Variants in PTPDC1 observed in about 807,000 individuals in gnomAD.
PTPDC1 encodes protein tyrosine phosphatase domain containing 1.
In PTPDC1, 53 loss-of-function variants were observed where a neutral mutation model predicts 75.3. The observed-to-expected ratio is 0.70, with a 90% confidence interval of 0.56 to 0.88. The LOEUF (loss-of-function observed/expected upper bound fraction) is 0.88, where lower values mean the gene tolerates loss of function less well. Ranked by LOEUF, PTPDC1 falls within the 40% of genes least tolerant of loss-of-function variation. PTPDC1 has a pLI of 0.00. For synonymous variants in PTPDC1, 349 were observed against 366.2 expected, an observed-to-expected ratio of 0.95 and a Z score of 0.54; for missense variants, 925 against 998.6, an observed-to-expected ratio of 0.93 and a Z score of 0.99.
At chr9:94,060,910 T>A (rs1205285359) in intron 1 of PTPDC1, among the ~76,000 whole-genome samples, 2 of 152,188 alleles carry the variant, frequency 1.3e-5, no homozygotes, top group African/African-American at 4.8e-5. Flanking sequence ...ATTCCACTTC[T>A]GGCCCCTCCA....
chr9:94,090,910 T>C (rs1312838081), intron 4 of PTPDC1, among the ~76,000 whole-genome samples: 1 of 151,508 alleles, frequency 6.6e-6, no homozygotes, highest in Non-Finnish European at 1.5e-5. Context: ...AGAATGCTTG[T>C]GATTTTTGTA....
intron 4 of PTPDC1, among the ~76,000 whole-genome samples, chr9:94,088,511 A>G (rs1287804762): frequency 2.6e-5 from 4 of 152,234 alleles, no homozygotes; most frequent in Non-Finnish European, 5.9e-5. Context: ...TAATGCTTAC[A>G]GTGTGCCAGT....
intron 2 of PTPDC1, among the ~76,000 whole-genome samples, chr9:94,072,686 T>G (rs554633282): frequency 1.3e-5 from 2 of 152,306 alleles, no homozygotes; most frequent in African/African-American, 4.8e-5. Flanking sequence ...CAAGTTGAAT[T>G]AGTTCCCCTC....
At chr9:94,066,298 G>C (rs1053227396) in intron 2 of PTPDC1, among the ~76,000 whole-genome samples, 1 of 152,002 alleles carries the variant, frequency 6.6e-6, no homozygotes, top group African/African-American at 2.4e-5. Context: ...TTTTAATTAG[G>C]AAAAAATCTA....
In PTPDC1 at chr9:94,085,338, C is replaced by T. The variant is rs527798717; in HGVS notation, c.332C>T (p.Ala111Val). ...CCTGGACACATGGCATGTTCCATGGCGTGTGGCGGTAGAGCTTGCAAGTAT... is the reference window on the plus strand; with the variant it reads ...CCTGGACACATGGCATGTTCCATGGTGTGTGGCGGTAGAGCTTGCAAGTAT... Reference protein sequence around the residue: ...VIPGHMACSMACGGRACKYEN... With the variant: ...VIPGHMACSMVCGGRACKYEN... The change falls in exon 2 of 9, where the codon GCG becomes GTG. Residue 111 changes from alanine to valine, a missense_variant. Coordinates refer to ENST00000620992, the MANE Select transcript of PTPDC1 (RefSeq NM_001253829.2). 5 of 1,614,160 alleles carry T rather than the reference C, an allele frequency of 3.1e-6. No individual in the cohort carries two copies. In the East Asian group the frequency reaches 6.7e-5, roughly 22 times the overall value.
At chr9:94,097,173 A>G in intron 5 of PTPDC1, 148 bp from the exon 6 acceptor site, 1 of 638,434 alleles carries the variant, frequency 1.6e-6, no homozygotes. Context: ...AAAGTCACAA[A>G]GTTATCATCA....
At chr9:94,071,092 C>T (rs1285339219) in intron 2 of PTPDC1, among the ~76,000 whole-genome samples, 1 of 152,170 alleles carries the variant, frequency 6.6e-6, no homozygotes, top group East Asian at 1.9e-4. Flanking sequence ...AACCGCCAAA[C>T]TGTTTTCCAG....
chr9:94,035,920 T>A (rs1825248445), intron 1 of PTPDC1, among the ~76,000 whole-genome samples: 1 of 152,158 alleles, frequency 6.6e-6, no homozygotes, highest in Non-Finnish European at 1.5e-5. Context: ...TCCCTCATGA[T>A]TAGTGATGTT....
chr9:94,032,066 G>A (rs969094479), intron 1 of PTPDC1, among the ~76,000 whole-genome samples: 2 of 152,196 alleles, frequency 1.3e-5, no homozygotes, highest in Admixed American at 6.5e-5. Context: ...GGGAAAACAA[G>A]CTCAGAGGGT....
At chr9:94,057,322 G>A (rs542149641) in intron 1 of PTPDC1, among the ~76,000 whole-genome samples, 24 of 152,034 alleles carry the variant, frequency 1.6e-4, no homozygotes, top group African/African-American at 5.8e-4. Flanking sequence ...GGGCTCAAAC[G>A]ATCTGCCCAC....
Position 94,084,657 on chromosome 9 carries a change from T to G in PTPDC1, c.127T>G (p.Leu43Val). The G allele has an allele frequency of 6.2e-7, 1 of 1,613,456 alleles. No homozygotes were observed. The highest frequency in any genetic ancestry group is 8.5e-7 in the Non-Finnish European group (1 of 1,179,724). The stretch of plus-strand genomic sequence containing the variant: ...GCAGCAGGCCCGGCGGGGCTCTGGC[T>G]TGGGCTCCGGCTCTGCCACGAAGCT... ...RLQQARRGSG[L>V]GSGSATKLLS... is the part of the protein sequence containing the mutation. Residue 43 changes from leucine (L) to valine (V), a missense_variant, in exon 1 of 9, where the codon TTG becomes GTG. Transcript: ENST00000620992.
In PTPDC1 at chr9:94,097,531, T is replaced by A; in HGVS notation, c.965T>A (p.Ile322Asn). Residue 322 changes from isoleucine (I) to asparagine (N), a missense_variant, in exon 6 of 9, where the codon ATT (isoleucine) becomes AAT (asparagine). Ile to Asn is a moderately radical substitution (Grantham distance 149, BLOSUM62 -3). Transcript: ENST00000620992. ...GCTGTCACCTTACCTCAATATCTAA[T>A]TCGCCAGCGTCATCTGCTTCATGGT... ...AHAVTLPQYL[I>N]RQRHLLHGYE... 2 of 1,614,156 alleles carry A rather than the reference T, an allele frequency of 1.2e-6. No homozygotes were observed. Among genetic ancestry groups the A allele is most frequent in the Non-Finnish European group, 1.7e-6 (2 of 1,180,022 alleles).
At chr9:94,095,717 A>G (rs1827539674) in intron 5 of PTPDC1, among the ~76,000 whole-genome samples, 1 of 152,208 alleles carries the variant, frequency 6.6e-6, no homozygotes, top group Non-Finnish European at 1.5e-5. Context: ...CGTATACTAA[A>G]TACACTGATC....
chr9:94,087,579 G>A (rs547377250), intron 2 of PTPDC1, among the ~76,000 whole-genome samples: 3 of 152,238 alleles, frequency 2.0e-5, no homozygotes, highest in East Asian at 3.9e-4. Context: ...TTACATATGG[G>A]GAACAAACTG....
intron 1 of PTPDC1, among the ~76,000 whole-genome samples, chr9:94,060,097 T>C (rs1826081273): frequency 1.3e-5 from 2 of 152,164 alleles, no homozygotes; most frequent in South Asian, 4.1e-4. Context: ...ACATTACTTA[T>C]GACAAAAGGT....
chr9:94,081,238 C>T (rs1826873423), upstream of PTPDC1, among the ~76,000 whole-genome samples: 1 of 152,192 alleles, frequency 6.6e-6, no homozygotes, highest in Non-Finnish European at 1.5e-5. Flanking sequence ...GATCTGCCCT[C>T]CTCAGCCTCC....
chr9:94,094,881 A>T (rs1179072462), intron 4 of PTPDC1, among the ~76,000 whole-genome samples: 1 of 152,232 alleles, frequency 6.6e-6, no homozygotes, highest in Non-Finnish European at 1.5e-5. Context: ...TCAGAAAGGG[A>T]ACCCCCTGAC....
chr9:94,095,446 G>T lies in PTPDC1; in HGVS notation c.746G>T (p.Gly249Val). Residue 249 changes from glycine (G) to valine (V), a missense_variant, in exon 5 of 9, where the codon GGT (glycine) becomes GTT (valine). By Grantham distance (109) the Gly-to-Val change is moderately radical (BLOSUM62 -3). Coordinates refer to ENST00000620992, the MANE Select transcript of PTPDC1 (RefSeq NM_001253829.2). ...KVAIHCHAGL[G>V]RTGVLIACYL... ...GCTATCCATTGTCATGCAGGGCTTG[G>T]TCGAACAGGTAGGTCCTAAGAGGTG... The T allele has an allele frequency of 1.9e-6, 3 of 1,612,980 alleles. No homozygotes were observed. Among genetic ancestry groups the T allele is most frequent in the Non-Finnish European group, 2.5e-6 (3 of 1,179,518 alleles).
At chr9:94,105,308 C>G (rs1827976183) in intron 8 of PTPDC1, among the ~76,000 whole-genome samples, 1 of 152,198 alleles carries the variant, frequency 6.6e-6, no homozygotes, top group South Asian at 2.1e-4. Context: ...TCCTTTACAT[C>G]TGTATTTACA....
Sources: allele counts gnomAD v4.1 joint callset (sites outside exome capture counted in the v4.1 genomes callset), GRCh38; gene constraint gnomAD v4.1.1; transcripts MANE v1.5; gene names NCBI Gene and HGNC (gene_info 2026-07-23, HGNC 2026-07-21).